Variants in EYS observed in about 807,000 individuals in gnomAD.
The protein encoded by EYS is EGF-like photoreceptor maintenance factor, also known as protein eyes shut homolog.
A neutral mutation model predicts 282.1 loss-of-function variants in EYS; 250 were observed. That is an observed-to-expected ratio of 0.89 (90% CI 0.80 to 0.98). The LOEUF (loss-of-function observed/expected upper bound fraction) is 0.98, where lower values mean the gene tolerates loss of function less well. EYS is among the 50% of genes least tolerant of loss of function. The pLI, the probability that EYS is intolerant of heterozygous loss-of-function variation, is 0.00. For synonymous variants in EYS, 1,355 were observed against 1,282.9 expected (o/e 1.06, Z -1.20); for missense variants, 4,016 against 3,709.0 (o/e 1.08, Z -2.15).
intron 22 of EYS, among the ~76,000 whole-genome samples, chr6:64,696,147 A>G (rs1770571894): frequency 6.6e-6 from 1 of 152,194 alleles, no homozygotes; most frequent in Non-Finnish European, 1.5e-5. Flanking sequence ...GAAATGTACC[A>G]AAGAGATAGA....
In EYS at chr6:64,024,295, A is replaced by T. The variant is rs141569206; in HGVS notation, c.6726-25112T>A. 7.2e-3 allele frequency among the ~76,000 whole-genome samples: 1,096 copies of T among 152,206 alleles called. 15 individuals are homozygous for T. The highest frequency in any genetic ancestry group is 0.024 in the African/African-American group (991 of 41,522). The stretch of plus-strand genomic sequence containing the variant: ...TGTCTAGCTCAGGGTTTGTGAATGC[A>T]CCAATTGACACTATGTATCTAGCTA... On this transcript the variant is annotated intron_variant, in intron 33 of 42. Transcript: ENST00000503581.
chr6:64,090,444 T>TC (rs1454912027), intron 31 of EYS, among the ~76,000 whole-genome samples: 1 of 152,182 alleles, frequency 6.6e-6, no homozygotes, highest in Non-Finnish European at 1.5e-5. Context: ...GTAATCTTTT[T>TC]CAATATAGAA....
chr6:65,225,301 A>T (rs994739060), intron 12 of EYS, among the ~76,000 whole-genome samples: 3 of 149,722 alleles, frequency 2.0e-5, no homozygotes, highest in African/African-American at 7.3e-5. Context: ...ATAATATAAT[A>T]TATAATTATA....
intron 7 of EYS, among the ~76,000 whole-genome samples, chr6:65,391,575 T>C (rs1766033816): frequency 6.6e-6 from 1 of 152,044 alleles, no homozygotes; most frequent in African/African-American, 2.4e-5. Context: ...TCACAATTGC[T>C]TCAAAGAGAA....
intron 12 of EYS, among the ~76,000 whole-genome samples, chr6:65,193,794 G>A (rs1425039415): frequency 6.6e-6 from 1 of 151,746 alleles, no homozygotes; most frequent in Non-Finnish European, 1.5e-5. Context: ...TTGCCACCCT[G>A]AGGTAAAATT....
At chr6:65,435,959 T>C (rs1768060737) in intron 5 of EYS, among the ~76,000 whole-genome samples, 1 of 152,144 alleles carries the variant, frequency 6.6e-6, no homozygotes, top group South Asian at 2.1e-4. Flanking sequence ...CACTTTAATC[T>C]CTAACTTCTA....
intron 26 of EYS, among the ~76,000 whole-genome samples, chr6:64,511,242 T>TATATGATATATATATCATATGTATC (rs1562033913): frequency 1.5e-4 from 21 of 138,396 alleles, no homozygotes; most frequent in African/African-American, 6.4e-4. Flanking sequence ...ATATATCATA[T>TATATGATATATATATCATATGTATC]ATATATATGA....
At chr6:64,191,900 C>T (rs1171791077) in intron 31 of EYS, among the ~76,000 whole-genome samples, 2 of 150,108 alleles carry the variant, frequency 1.3e-5, no homozygotes, top group Admixed American at 1.3e-4. Context: ...TGAGGAATCG[C>T]CACACTGACT....
intron 29 of EYS, among the ~76,000 whole-genome samples, chr6:64,339,845 C>T (rs943015291): frequency 1.3e-5 from 2 of 151,702 alleles, no homozygotes; most frequent in African/African-American, 4.8e-5. Flanking sequence ...GGGAGCTAAA[C>T]TGTGAGGACA....
At chr6:63,774,272 G>A (rs1410232479) in intron 40 of EYS, among the ~76,000 whole-genome samples, 1 of 151,728 alleles carries the variant, frequency 6.6e-6, no homozygotes, top group Non-Finnish European at 1.5e-5. Context: ...AGGTTCAAGC[G>A]ATTCTCCTGC....
intron 29 of EYS, among the ~76,000 whole-genome samples, chr6:64,318,451 T>C (rs1770066581): frequency 6.6e-6 from 1 of 152,014 alleles, no homozygotes; most frequent in Non-Finnish European, 1.5e-5. Context: ...TATAGACTGC[T>C]GTATACAATA....
intron 37 of EYS, among the ~76,000 whole-genome samples, chr6:63,796,599 T>C (rs1770650488): frequency 6.6e-6 from 1 of 152,204 alleles, no homozygotes; most frequent in Non-Finnish European, 1.5e-5. Flanking sequence ...TCTAATATGG[T>C]AAAATAGTAT....
chr6:64,941,695 G>A (rs1416921354), intron 15 of EYS, among the ~76,000 whole-genome samples: 1 of 152,022 alleles, frequency 6.6e-6, no homozygotes, highest in Non-Finnish European at 1.5e-5. Context: ...CCACTTATAA[G>A]TGAGAACATA....
At chr6:64,413,281 C>T (rs1392080349) in intron 28 of EYS, among the ~76,000 whole-genome samples, 6 of 152,096 alleles carry the variant, frequency 3.9e-5, no homozygotes, top group Non-Finnish European at 1.5e-5. Flanking sequence ...GGTCATACTT[C>T]CTCCTTCTCA....
chr6:64,924,967 C>A (rs1157812583), intron 15 of EYS, among the ~76,000 whole-genome samples: 1 of 152,224 alleles, frequency 6.6e-6, no homozygotes, highest in Non-Finnish European at 1.5e-5. Flanking sequence ...TCCAAAGTCA[C>A]TTCCACGTTT....
chr6:64,047,415 T>C (rs1034994611), intron 33 of EYS, among the ~76,000 whole-genome samples: 1 of 152,028 alleles, frequency 6.6e-6, no homozygotes, highest in African/African-American at 2.4e-5. Context: ...AAATGAGAAA[T>C]GAATAAACAG....
At chr6:64,556,841 T>TAA (rs892502106) in intron 26 of EYS, among the ~76,000 whole-genome samples, 23 of 151,834 alleles carry the variant, frequency 1.5e-4, no homozygotes, top group Non-Finnish European at 3.2e-4. Context: ...CAAGGACAAT[T>TAA]AAAACTAAAT....
intron 12 of EYS, among the ~76,000 whole-genome samples, chr6:65,104,703 C>T (rs962419954): frequency 6.6e-6 from 1 of 151,418 alleles, no homozygotes; most frequent in Non-Finnish European, 1.5e-5. Context: ...TGTGACCTCT[C>T]TTCAAAGTTT....
rs1767097811 is a variant in EYS at position 64,886,722 on chromosome 6, G to A, written c.2967C>T (p.Asn989=). 1 of 1,546,074 alleles carries A rather than the reference G, an allele frequency of 6.5e-7. No homozygotes were observed. Among genetic ancestry groups the A allele is most frequent in the Admixed American group, 2.0e-5 (1 of 50,420 alleles). ...CTGTATAACCAGGGGCACAGAGGCAGTTGTATCCATCAGTCCTGTAGACAC... is the reference window on the plus strand; with the variant it reads ...CTGTATAACCAGGGGCACAGAGGCAATTGTATCCATCAGTCCTGTAGACAC... ...ENCVYRTDGY[N]CLCAPGYTGI... is the part of the protein sequence containing the mutation. Residue 989 remains asparagine (N), a synonymous_variant, in exon 19 of 43, where the codon AAC becomes AAT. Coordinates refer to ENST00000503581, the MANE Select transcript of EYS (RefSeq NM_001142800.2).
Sources: gnomAD v4.1 joint callset for allele counts (sites outside exome capture counted in the v4.1 genomes callset) on GRCh38, gnomAD v4.1.1 for gene constraint, MANE v1.5 for transcripts, NCBI Gene and HGNC (gene_info 2026-07-23, HGNC 2026-07-21) for gene names.